IL16: variants seen among roughly 807,000 people sequenced by gnomAD.
The protein encoded by IL16 is pro-interleukin-16.
In IL16, 67 loss-of-function variants were observed where a neutral mutation model predicts 110.1. That is an observed-to-expected ratio of 0.61 (90% CI 0.50 to 0.75). The LOEUF (loss-of-function observed/expected upper bound fraction) is 0.75, where lower values mean the gene tolerates loss of function less well. Among genes scored for constraint, IL16 ranks in the 30% least tolerant of loss-of-function variants. IL16 has a pLI of 0.00. For synonymous variants in IL16, 689 were observed against 662.9 expected (o/e 1.04, Z -0.61); for missense variants, 1,545 against 1,655.0 (o/e 0.93, Z 1.15).
intron 18 of IL16, 48 bp downstream of exon 18, chr15:81,306,593 T>C (rs765024548): frequency 1.9e-6 from 3 of 1,604,452 alleles, no homozygotes; most frequent in East Asian, 4.5e-5. Context: ...TGTGGGCATG[T>C]GGCCAGGCCC....
At chr15:81,260,916 G>A (rs1263511718) in intron 3 of IL16, among the ~76,000 whole-genome samples, 1 of 152,176 alleles carries the variant, frequency 6.6e-6, no homozygotes, top group Non-Finnish European at 1.5e-5. Context: ...GGAATTTGGG[G>A]TTAAACGGTA....
chr15:81,187,377 G>A (rs1377624399), intron 1 of IL16, among the ~76,000 whole-genome samples: 4 of 152,110 alleles, frequency 2.6e-5, no homozygotes, highest in Non-Finnish European at 5.9e-5. Flanking sequence ...TAGGGAGATG[G>A]CTGATGCCCA....
rs968279654 is a variant in IL16 at position 81,225,813 on chromosome 15, A to G, written c.312+102A>G. 70 of 1,125,660 alleles carry G rather than the reference A, an allele frequency of 6.2e-5. 2 individuals are homozygous for G. In the South Asian group the frequency reaches 1.1e-3, roughly 18 times the overall value. The allele number at this position is 1,125,660 out of a possible 1,614,324, so 69.7% of individuals were successfully genotyped here. On this transcript the variant is annotated intron_variant, in intron 2 of 18. Coordinates refer to ENST00000683961, the MANE Select transcript of IL16 (RefSeq NM_172217.5). Reference sequence around the variant, plus strand: ...TTATTCAAAAATCATGAAGCTGCAGAGTTATAATTCTGAAAGAGAGCAAGA... The same window carrying G: ...TTATTCAAAAATCATGAAGCTGCAGGGTTATAATTCTGAAAGAGAGCAAGA...
intron 1 of IL16, among the ~76,000 whole-genome samples, chr15:81,200,135 C>G (rs1895756771): frequency 6.6e-6 from 1 of 151,980 alleles, no homozygotes; most frequent in Admixed American, 6.6e-5. Context: ...AGGTTCTTAG[C>G]AAAATCATAT....
At chr15:81,228,244 T>C (rs755894527) in intron 2 of IL16, among the ~76,000 whole-genome samples, 1 of 151,068 alleles carries the variant, frequency 6.6e-6, no homozygotes, top group Non-Finnish European at 1.5e-5. Context: ...GGGGAAGGAG[T>C]GGGCATGGGG....
At chr15:81,202,223 C>T (rs543706577) in intron 1 of IL16, among the ~76,000 whole-genome samples, 106 of 152,270 alleles carry the variant, frequency 7.0e-4, no homozygotes, top group South Asian at 4.2e-3. Flanking sequence ...ACAGACTCTG[C>T]CCTCAGGGAG....
At chr15:81,232,005 T>C (rs1410882364) in intron 2 of IL16, among the ~76,000 whole-genome samples, 1 of 151,214 alleles carries the variant, frequency 6.6e-6, no homozygotes, top group African/African-American at 2.4e-5. Context: ...ATAAGCTTTA[T>C]GATATTTGGT....
intron 16 of IL16, chr15:81,305,666 C>T (rs780304073): frequency 6.8e-5 from 38 of 555,954 alleles, no homozygotes; most frequent in East Asian, 1.2e-4. Context: ...CACTATAGGA[C>T]GTTGTGTTGG....
chr15:81,214,648 C>T (rs371081156), intron 1 of IL16, among the ~76,000 whole-genome samples: 4 of 151,940 alleles, frequency 2.6e-5, no homozygotes, highest in South Asian at 4.2e-4. Context: ...CTCTATATTT[C>T]TCATATTTGC....
intron 1 of IL16, among the ~76,000 whole-genome samples, chr15:81,221,064 A>C: frequency 6.6e-6 from 1 of 151,848 alleles, no homozygotes; most frequent in East Asian, 1.9e-4. Flanking sequence ...GTCCTTACCC[A>C]AGATGTGATG....
chr15:81,307,334 A>C (rs1446250916), intron 18 of IL16, among the ~76,000 whole-genome samples: 1 of 152,082 alleles, frequency 6.6e-6, no homozygotes, highest in African/African-American at 2.4e-5. Flanking sequence ...TTCATCCATA[A>C]AAGGAGGTAA....
At chr15:81,283,457 T>G in intron 9 of IL16, among the ~76,000 whole-genome samples, 1 of 152,094 alleles carries the variant, frequency 6.6e-6, no homozygotes, top group East Asian at 1.9e-4. Context: ...CAATGTCAAC[T>G]GGGAACTTGT....
At chr15:81,287,350 G>T (rs1318374279) in intron 10 of IL16, among the ~76,000 whole-genome samples, 3 of 152,198 alleles carry the variant, frequency 2.0e-5, no homozygotes, top group Non-Finnish European at 4.4e-5. Context: ...GGGTGTCCAG[G>T]TAAAGATGCC....
Position 81,292,583 on chromosome 15 carries a change from A to G in IL16, c.1448A>G (p.His483Arg). ...EGVKRLESSW[H>R]GRPTLEKERE... Reference sequence around the variant, plus strand: ...GTCAAAAGGCTGGAAAGCAGTTGGCACGGGCGGCCCACCTTGGAGAAGGAA... The same window carrying G: ...GTCAAAAGGCTGGAAAGCAGTTGGCGCGGGCGGCCCACCTTGGAGAAGGAA... Residue 483 changes from histidine to arginine, a missense_variant, in exon 12 of 19, where the codon CAC becomes CGC. By Grantham distance (29) the His-to-Arg change is conservative. Around this residue, in one of 3 missense-constraint regions of IL16, gnomAD observed 1,185 missense variants for 1,238.8 expected, o/e 0.96. Transcript: ENST00000683961. The G allele has an allele frequency of 1.2e-6, 2 of 1,605,804 alleles. No homozygotes were observed. The highest frequency in any genetic ancestry group is 1.3e-5 in the African/African-American group (1 of 74,910).
intron 2 of IL16, among the ~76,000 whole-genome samples, chr15:81,240,080 A>G (rs757849434): frequency 1.3e-5 from 2 of 152,108 alleles, no homozygotes; most frequent in African/African-American, 2.4e-5. Flanking sequence ...TGTGAACATG[A>G]TATCAATGCT....
intron 11 of IL16, 24 bp from the exon 12 acceptor site, chr15:81,292,532 G>A: frequency 1.2e-6 from 2 of 1,611,596 alleles, no homozygotes; most frequent in Non-Finnish European, 1.7e-6. Context: ...CAGCTGTGAA[G>A]ATTCTCTTGT....
At chr15:81,239,832 G>T (rs1595982917) in intron 2 of IL16, among the ~76,000 whole-genome samples, 1 of 152,146 alleles carries the variant, frequency 6.6e-6, no homozygotes, top group Non-Finnish European at 1.5e-5. Context: ...GTTCTGGGTT[G>T]CAGGCCTCTC....
intron 6 of IL16, among the ~76,000 whole-genome samples, chr15:81,276,465 G>A (rs1596022359): frequency 1.3e-5 from 2 of 152,310 alleles, no homozygotes; most frequent in East Asian, 3.9e-4. Context: ...GGGCAGAGGG[G>A]ACAGAGCCTT....
upstream of IL16, among the ~76,000 whole-genome samples, chr15:81,193,565 A>C (rs1895531779): frequency 6.6e-6 from 1 of 152,134 alleles, no homozygotes; most frequent in Non-Finnish European, 1.5e-5. Flanking sequence ...AGTTTGAAAG[A>C]AAAAAAGGCC....
Sources: allele counts gnomAD v4.1 joint callset (sites outside exome capture counted in the v4.1 genomes callset), GRCh38; gene constraint gnomAD v4.1.1; regional missense constraint gnomAD v4.1.1; transcripts MANE v1.5; gene names NCBI Gene and HGNC (gene_info 2026-07-23, HGNC 2026-07-21).